The following EPB41L2 variants were observed in gnomAD, a reference collection of about 807,000 sequenced individuals.
EPB41L2 encodes band 4.1-like protein 2.
EPB41L2 carries 43 observed loss-of-function variants against 113.0 expected under a neutral mutation model. That is an observed-to-expected ratio of 0.38 (90% CI 0.30 to 0.49). The LOEUF is 0.49. EPB41L2 is among the 20% of genes least tolerant of loss of function. The pLI is 0.95. For synonymous variants in EPB41L2, 442 were observed against 436.7 expected (o/e 1.01, Z -0.15); for missense variants, 1,147 against 1,223.4 (o/e 0.94, Z 0.93).
intron 19 of EPB41L2, among the ~76,000 whole-genome samples, chr6:130,854,300 C>A (rs1779603981): frequency 7.5e-6 from 1 of 134,068 alleles, no homozygotes. Context: ...CCCAGCCCTA[C>A]CCTAGCACAT....
intron 1 of EPB41L2, among the ~76,000 whole-genome samples, chr6:130,985,380 T>C (rs1780305571): frequency 6.6e-6 from 1 of 152,142 alleles, no homozygotes; most frequent in Admixed American, 6.6e-5. Flanking sequence ...TCAGTAAAAC[T>C]CCCTGCCTAG....
intron 3 of EPB41L2, among the ~76,000 whole-genome samples, chr6:130,939,000 T>C (rs1267650957): frequency 1.3e-5 from 2 of 151,920 alleles, no homozygotes; most frequent in Non-Finnish European, 2.9e-5. Flanking sequence ...AACAAGAAAG[T>C]CTAACGGCGA....
rs145811863 is a variant in EPB41L2 at position 130,855,194 on chromosome 6, A to G, written c.*5+2937T>C. Among the ~76,000 whole-genome samples the G allele has an allele frequency of 1.9e-3, 288 of 152,134 alleles. 3 individuals are homozygous for G. The highest frequency in any genetic ancestry group is 6.8e-3 in the Middle Eastern group (2 of 294). On this transcript the variant is annotated intron_variant, in intron 19 of 19. Transcript: ENST00000337057. The stretch of plus-strand genomic sequence containing the variant: ...CGAAACCCTGTCTCTACTAAAAAAT[A>G]CAAAAATTAGCTGGGCGTGATGGTG...
intron 1 of EPB41L2, 97 bp from the exon 2 acceptor site, chr6:130,956,596 G>T: frequency 9.3e-7 from 1 of 1,078,980 alleles, no homozygotes; most frequent in Non-Finnish European, 1.3e-6. Flanking sequence ...GAGAAGAAGA[G>T]TAACAGATGA....
chr6:131,056,535 G>A (rs78661976), intron 1 of EPB41L2, among the ~76,000 whole-genome samples: 3,224 of 152,220 alleles, frequency 0.021, 130 homozygotes, highest in African/African-American at 0.073. Flanking sequence ...GGAAATTACT[G>A]TTTCATTTCA....
chr6:131,040,928 G>C (rs2128183517), intron 1 of EPB41L2, among the ~76,000 whole-genome samples: 1 of 152,218 alleles, frequency 6.6e-6, no homozygotes, highest in South Asian at 2.1e-4. Context: ...GAAAAACAAA[G>C]ATTCTCCAAG....
At chr6:130,895,924 G>C (rs17832408) in intron 8 of EPB41L2, among the ~76,000 whole-genome samples, 1,545 of 152,312 alleles carry the variant, frequency 0.01, 12 homozygotes, top group Non-Finnish European at 0.018. Context: ...GAAGATCTAA[G>C]ATGCATGTAT....
intron 1 of EPB41L2, among the ~76,000 whole-genome samples, chr6:130,992,811 G>A (rs1782200114): frequency 6.6e-6 from 1 of 152,034 alleles, no homozygotes; most frequent in Non-Finnish European, 1.5e-5. Context: ...ATTTTTAGTA[G>A]AGATGGGGTT....
intron 14 of EPB41L2, among the ~76,000 whole-genome samples, chr6:130,874,759 C>T (rs531695755): frequency 8.5e-5 from 13 of 152,292 alleles, no homozygotes; most frequent in African/African-American, 2.9e-4. Context: ...ATTAACATCA[C>T]TTTAATGTGA....
chr6:131,011,433 G>A (rs142353613), intron 1 of EPB41L2, among the ~76,000 whole-genome samples: 6 of 152,320 alleles, frequency 3.9e-5, no homozygotes, highest in Middle Eastern at 6.8e-3. Context: ...CCACTAACAA[G>A]GTGGATATTT....
Position 130,956,045 on chromosome 6 carries a change from T to C in EPB41L2, c.441A>G (p.Lys147=), listed in dbSNP as rs1459968206. Residue 147 remains lysine (K), a synonymous_variant, in exon 2 of 20, where the codon AAA becomes AAG. Transcript: ENST00000337057. The part of the protein sequence containing the change: ...QEIKVEVKEE[K]PSVSKEEKPS... Reference sequence around the variant, plus strand: ...GTTTTTCTTCCTTGCTCACTGAGGGTTTTTCTTCCTTGACTTCAACTTTAA... The same window carrying C: ...GTTTTTCTTCCTTGCTCACTGAGGGCTTTTCTTCCTTGACTTCAACTTTAA... 4 of 1,613,622 alleles carry C rather than the reference T, an allele frequency of 2.5e-6. No individual in the cohort carries two copies. The Admixed American group carries it at 5.0e-5, about 20-fold the overall frequency.
chr6:131,002,511 A>T (rs1449441349), intron 1 of EPB41L2, among the ~76,000 whole-genome samples: 2 of 152,240 alleles, frequency 1.3e-5, no homozygotes, highest in Admixed American at 1.3e-4. Flanking sequence ...TGTATGAGCA[A>T]TTGCTAAAGG....
At chr6:130,937,584 G>C (rs1389907876) in intron 3 of EPB41L2, among the ~76,000 whole-genome samples, 2 of 152,206 alleles carry the variant, frequency 1.3e-5, no homozygotes, top group Non-Finnish European at 2.9e-5. Context: ...ACTTTGGGAG[G>C]CCGAAGCAGG....
intron 3 of EPB41L2, among the ~76,000 whole-genome samples, chr6:130,937,601 G>A (rs769223745): frequency 6.6e-5 from 10 of 152,086 alleles, no homozygotes. Context: ...CAGGTGGACC[G>A]TGAGGTCAGG....
At chr6:130,994,373 T>C (rs573611930) in intron 1 of EPB41L2, among the ~76,000 whole-genome samples, 2 of 152,188 alleles carry the variant, frequency 1.3e-5, no homozygotes, top group African/African-American at 2.4e-5. Context: ...ACCTACAGAA[T>C]TGGGATATGG....
At chr6:130,954,345 A>G (rs893632238) in intron 3 of EPB41L2, among the ~76,000 whole-genome samples, 5 of 151,806 alleles carry the variant, frequency 3.3e-5, no homozygotes, top group South Asian at 2.1e-4. Flanking sequence ...GAGCCACCGC[A>G]CCCAGCCCTA....
chr6:130,923,397 T>C (rs1166492106), intron 4 of EPB41L2, among the ~76,000 whole-genome samples: 1 of 152,178 alleles, frequency 6.6e-6, no homozygotes, highest in Non-Finnish European at 1.5e-5. Context: ...CCTTAACATA[T>C]AGCCTTAAGT....
Position 130,981,021 on chromosome 6 carries a change from G to A in EPB41L2, c.-14-24522C>T, listed in dbSNP as rs563224966. On this transcript the variant is annotated intron_variant, in intron 1 of 19. Transcript: ENST00000337057. The stretch of plus-strand genomic sequence containing the variant: ...TTTACTGTAATTTTAACAATGTAAA[G>A]GAAAAAAACTAAGGAGAAAGGGGGA... 2.2e-4 allele frequency among the ~76,000 whole-genome samples: 33 copies of A among 151,748 alleles called. No individual in the cohort carries two copies. In the East Asian group the frequency reaches 6.4e-3, roughly 29 times the overall value.
At chr6:131,014,115 T>C (rs894008838) in intron 1 of EPB41L2, 2 of 151,864 alleles carry the variant, frequency 1.3e-5, no homozygotes, top group African/African-American at 4.8e-5. Context: ...TATCTTTCAT[T>C]TGAATCTGAG....
Sources: allele counts gnomAD v4.1 joint callset (sites outside exome capture counted in the v4.1 genomes callset), GRCh38; gene constraint gnomAD v4.1.1; transcripts MANE v1.5; gene names NCBI Gene and HGNC (gene_info 2026-07-23, HGNC 2026-07-21).